RBFOX1: variants seen among roughly 807,000 people sequenced by gnomAD.
RBFOX1 encodes RNA binding fox-1 homolog 1.
A neutral mutation model predicts 57.7 loss-of-function variants in RBFOX1; 8 were observed. The ratio of observed to expected loss-of-function variants is 0.14; its 90% CI spans 0.08 to 0.25. The LOEUF is 0.25. Among genes scored for constraint, RBFOX1 ranks in the 10% least tolerant of loss-of-function variants. The pLI, the probability that RBFOX1 is intolerant of heterozygous loss-of-function variation, is 1.00. For synonymous variants in RBFOX1, 326 were observed against 222.4 expected (o/e 1.47, Z -4.15); for missense variants, 611 against 548.5 (o/e 1.11, Z -1.14).
At chr16:5,485,416 A>G (rs574292867) in intron 2 of RBFOX1, among the ~76,000 whole-genome samples, 6 of 145,870 alleles carry the variant, frequency 4.1e-5, no homozygotes, top group South Asian at 4.3e-4. Context: ...CTCCAAGTGC[A>G]TGCATACCAA....
chr16:6,474,794 A>C (rs1293383630), intron 2 of RBFOX1, among the ~76,000 whole-genome samples: 1 of 152,166 alleles, frequency 6.6e-6, no homozygotes, highest in African/African-American at 2.4e-5. Flanking sequence ...AGATCTAAAA[A>C]CTTAAATACG....
At chr16:5,589,139 C>T (rs2046926846) in intron 2 of RBFOX1, among the ~76,000 whole-genome samples, 1 of 152,164 alleles carries the variant, frequency 6.6e-6, no homozygotes, top group African/African-American at 2.4e-5. Flanking sequence ...TGGGTTTCCC[C>T]AATCTGCTGG....
At chr16:6,447,756 A>G (rs2024208) in intron 2 of RBFOX1, among the ~76,000 whole-genome samples, 31,967 of 152,098 alleles carry the variant, frequency 0.21, 3,771 homozygotes, top group East Asian at 0.44. Context: ...AGTTATGGGA[A>G]GGCTTTTATT....
chr16:6,836,132 T>C (rs1408130562), intron 3 of RBFOX1, among the ~76,000 whole-genome samples: 2 of 152,214 alleles, frequency 1.3e-5, no homozygotes, highest in African/African-American at 4.8e-5. Context: ...CTACAATTTA[T>C]GGTATTTCAT....
In RBFOX1 at chr16:5,526,964, G is replaced by T. The variant is rs73514168; in HGVS notation, c.258+59710G>T. Among the ~76,000 whole-genome samples, 566 of 152,292 alleles carry T rather than the reference G, an allele frequency of 3.7e-3. 6 individuals carry two copies. Among genetic ancestry groups the T allele is most frequent in the African/African-American group, 0.012 (516 of 41,552 alleles). On this transcript the variant is annotated intron_variant, in intron 2 of 2. Transcript: ENST00000585867. ...GCAAAATGGGAGTGATGACAGCAAT[G>T]GTCCTTCCCGGGATTTCTGGGAGGC...
chr16:6,911,295 G>A (rs575504989), intron 3 of RBFOX1, among the ~76,000 whole-genome samples: 150 of 152,128 alleles, frequency 9.9e-4, no homozygotes, highest in Non-Finnish European at 1.7e-3. Context: ...AAACTAGGAG[G>A]CTTCGGCAAC....
chr16:7,394,601 T>G (rs1169853267), intron 4 of RBFOX1, among the ~76,000 whole-genome samples: 1 of 152,192 alleles, frequency 6.6e-6, no homozygotes, highest in Non-Finnish European at 1.5e-5. Context: ...GCCTCTCTAC[T>G]GTACCTCCAA....
At chr16:5,872,111 T>C (rs2057489050) in intron 4 of RBFOX1, among the ~76,000 whole-genome samples, 2 of 152,170 alleles carry the variant, frequency 1.3e-5, no homozygotes, top group Non-Finnish European at 2.9e-5. Flanking sequence ...ATTAAAAATA[T>C]TCTTACCTAC....
rs754746658 is a variant in RBFOX1 at position 7,597,450 on chromosome 16, T to A, written c.622+19T>A. ...ACAAATGGTAAGTAGAGATTGGCCT[T>A]TTACAAGAAATTCTCTCTACTTCTG... On this transcript the variant is annotated intron_variant, in intron 9 of 15. Transcript: ENST00000550418. 1.3e-6 allele frequency: 2 copies of A among 1,569,660 alleles called. No individual in the cohort carries two copies. Among genetic ancestry groups the A allele is most frequent in the South Asian group, 2.3e-5 (2 of 87,662 alleles).
rs565312066 is a variant in RBFOX1 at position 6,146,197 on chromosome 16, C to T, written c.-127+126205C>T. On this transcript the variant is annotated intron_variant, in intron 1 of 15. Coordinates refer to ENST00000550418, the MANE Select transcript of RBFOX1 (RefSeq NM_018723.4). Reference sequence around the variant, plus strand: ...CTGGTGCTGTGGGAGGGGGTGGAGGCAGGAGAAGCCAGGAGAGACTCAGCT... The same window carrying T: ...CTGGTGCTGTGGGAGGGGGTGGAGGTAGGAGAAGCCAGGAGAGACTCAGCT... Among the ~76,000 whole-genome samples the T allele has an allele frequency of 4.6e-5, 7 of 152,266 alleles. No individual in the cohort carries two copies. The South Asian group carries it at 1.2e-3, about 27-fold the overall frequency.
At chr16:7,663,170 C>T (rs963990546) in intron 12 of RBFOX1, among the ~76,000 whole-genome samples, 5 of 152,180 alleles carry the variant, frequency 3.3e-5, no homozygotes, top group Admixed American at 1.3e-4. Flanking sequence ...CAGAGGGTGG[C>T]TCTGCCTTCT....
chr16:6,370,720 A>G (rs1034012202), intron 2 of RBFOX1, among the ~76,000 whole-genome samples: 1 of 152,194 alleles, frequency 6.6e-6, no homozygotes, highest in African/African-American at 2.4e-5. Context: ...CGGGTATAGA[A>G]TTTCAGTTTT....
chr16:5,886,026 C>T lies in RBFOX1; in HGVS notation c.351+18691C>T, dbSNP rs1051723834. 2.6e-5 allele frequency among the ~76,000 whole-genome samples: 4 copies of T among 152,212 alleles called. No homozygotes were observed. The East Asian group carries it at 7.7e-4, about 29-fold the overall frequency. The stretch of plus-strand genomic sequence containing the variant: ...GATCTGGTTGTTTAAACGTGGGTAA[C>T]ACCTCTCCCTTCACTCCCTCTTTCT... On this transcript the variant is annotated intron_variant, in intron 4 of 19. Coordinates refer to the RBFOX1 transcript ENST00000641259.
intron 1 of RBFOX1, among the ~76,000 whole-genome samples, chr16:5,280,934 A>T (rs1400036372): frequency 1.8e-5 from 2 of 109,522 alleles, no homozygotes; most frequent in Admixed American, 1.0e-4. Context: ...TCTCTGTTGC[A>T]TTTGGTTCTG....
chr16:5,268,718 C>A (rs1323976932), intron 1 of RBFOX1, among the ~76,000 whole-genome samples: 1 of 152,214 alleles, frequency 6.6e-6, no homozygotes, highest in Non-Finnish European at 1.5e-5. Context: ...ACCCATAGTT[C>A]ATTTTCCATA....
At chr16:6,989,506 T>C (rs1416793275) in intron 3 of RBFOX1, among the ~76,000 whole-genome samples, 1 of 152,198 alleles carries the variant, frequency 6.6e-6, no homozygotes, top group Admixed American at 6.5e-5. Flanking sequence ...AATCTTTAGA[T>C]AAACTGATTT....
intron 4 of RBFOX1, among the ~76,000 whole-genome samples, chr16:7,313,502 C>T (rs185348009): frequency 8.9e-5 from 13 of 146,452 alleles, no homozygotes; most frequent in Admixed American, 3.4e-4. Context: ...TCTTTGGTTC[C>T]GTTCAAAAAA....
intron 3 of RBFOX1, among the ~76,000 whole-genome samples, chr16:6,656,609 C>CACACACAA (rs1555659166): frequency 6.6e-6 from 1 of 150,660 alleles, no homozygotes; most frequent in African/African-American, 2.5e-5. Flanking sequence ...GACACACACA[C>CACACACAA]ACACACACAC....
chr16:6,440,665 G>A (rs1477914114), intron 2 of RBFOX1, among the ~76,000 whole-genome samples: 1 of 152,058 alleles, frequency 6.6e-6, no homozygotes, highest in Non-Finnish European at 1.5e-5. Flanking sequence ...GCTGGGTGTG[G>A]TACTGGGCAT....
Sources: gnomAD v4.1 joint callset for allele counts (sites outside exome capture counted in the v4.1 genomes callset) on GRCh38, gnomAD v4.1.1 for gene constraint, MANE v1.5 for transcripts, NCBI Gene and HGNC (gene_info 2026-07-23, HGNC 2026-07-21) for gene names.